The following NRG3 variants were observed in gnomAD, a reference collection of about 807,000 sequenced individuals.
NRG3 encodes the protein pro-neuregulin-3, membrane-bound isoform.
In NRG3, 31 loss-of-function variants were observed where a neutral mutation model predicts 66.9. The observed-to-expected ratio is 0.46, with a 90% confidence interval of 0.35 to 0.63. The LOEUF is 0.63. Ranked by LOEUF, NRG3 falls within the 20% of genes least tolerant of loss-of-function variation. NRG3 has a pLI of 0.00. For missense variants in NRG3, 910 were observed against 878.9 expected (o/e 1.04, Z -0.45); for synonymous variants, 393 against 359.4 (o/e 1.09, Z -1.06).
intron 2 of NRG3, among the ~76,000 whole-genome samples, chr10:82,471,763 C>T (rs1353381535): frequency 1.3e-5 from 2 of 151,904 alleles, no homozygotes; most frequent in South Asian, 4.2e-4. Context: ...GTGGCAGGCA[C>T]CTATAATCCC....
chr10:82,291,276 A>G (rs1230003832), intron 1 of NRG3, among the ~76,000 whole-genome samples: 1 of 152,200 alleles, frequency 6.6e-6, no homozygotes, highest in Non-Finnish European at 1.5e-5. Flanking sequence ...ACGTGATTAG[A>G]TGTAAACTTT....
intron 4 of NRG3, among the ~76,000 whole-genome samples, chr10:82,916,952 T>A (rs1388963731): frequency 6.6e-6 from 1 of 152,194 alleles, no homozygotes; most frequent in Non-Finnish European, 1.5e-5. Flanking sequence ...CATAAAAATG[T>A]CCAACACTAA....
intron 1 of NRG3, among the ~76,000 whole-genome samples, chr10:82,192,775 C>T (rs1319570282): frequency 6.6e-6 from 1 of 152,066 alleles, no homozygotes; most frequent in East Asian, 1.9e-4. Flanking sequence ...AATGCAGAGA[C>T]TACATAAAGA....
chr10:82,289,828 T>C (rs1000815528), intron 1 of NRG3, among the ~76,000 whole-genome samples: 3 of 152,356 alleles, frequency 2.0e-5, no homozygotes, highest in Non-Finnish European at 1.5e-5. Flanking sequence ...CATTTGGTAA[T>C]TGCAGAAGAA....
intron 1 of NRG3, among the ~76,000 whole-genome samples, chr10:82,235,915 C>G (rs946136719): frequency 6.6e-6 from 1 of 151,958 alleles, no homozygotes; most frequent in Admixed American, 6.6e-5. Context: ...TTTTGTAGAT[C>G]ACAGTAGAAC....
chr10:82,502,344 T>TA (rs1314105583), intron 2 of NRG3, among the ~76,000 whole-genome samples: 6 of 152,100 alleles, frequency 3.9e-5, no homozygotes, highest in East Asian at 1.9e-4. Context: ...TTAGACTCAA[T>TA]AAAAAAATCA....
chr10:82,243,519 A>G (rs1406755670), intron 1 of NRG3, among the ~76,000 whole-genome samples: 1 of 152,192 alleles, frequency 6.6e-6, no homozygotes, highest in African/African-American at 2.4e-5. Context: ...TAAGGTCTTT[A>G]GAAATAAAAA....
At chr10:82,305,777 T>C (rs550472988) in intron 1 of NRG3, among the ~76,000 whole-genome samples, 11 of 152,328 alleles carry the variant, frequency 7.2e-5, no homozygotes, top group African/African-American at 2.2e-4. Flanking sequence ...TTTCTACTTA[T>C]ACAATTCTAA....
At position 81,875,922 on chromosome 10, in the gene NRG3, G is replaced by A. The variant is rs773712819; in HGVS notation, c.582G>A (p.Pro194=). The change falls in exon 1 of 9, where the codon CCG becomes CCA. Residue 194 remains proline, a synonymous_variant. Transcript: ENST00000372141. The surrounding 1 kb of genome is among the most constrained non-coding windows in gnomAD (Gnocchi z 5.3). ...ARNTAAPATV[P]STTAPFFSSS... ...ACACTGCGGCCCCTGCGACGGTCCC[G>A]TCCACCACGGCCCCGTTCTTCAGTA... 1.2e-6 allele frequency: 2 copies of A among 1,613,358 alleles called. No homozygotes were observed. The highest frequency in any genetic ancestry group is 1.7e-6 in the Non-Finnish European group (2 of 1,180,004).
chr10:82,063,109 T>C (rs10736173), intron 1 of NRG3, among the ~76,000 whole-genome samples: 121,858 of 152,106 alleles, frequency 0.8, 48,905 homozygotes, highest in South Asian at 0.87. Flanking sequence ...TAGAATGGAA[T>C]ACCTGGGCAA....
At chr10:81,977,752 A>G (rs751729926) in intron 1 of NRG3, among the ~76,000 whole-genome samples, 2 of 152,182 alleles carry the variant, frequency 1.3e-5, no homozygotes, top group African/African-American at 4.8e-5. Flanking sequence ...TCCTCATACT[A>G]TTTGAGTCTT....
At chr10:81,937,162 T>G (rs970083264) in intron 1 of NRG3, among the ~76,000 whole-genome samples, 6 of 152,178 alleles carry the variant, frequency 3.9e-5, no homozygotes, top group Admixed American at 6.5e-5. Context: ...AACGTGTTCT[T>G]TAACCATTCA....
At chr10:81,893,064 T>G (rs961376321) in intron 1 of NRG3, among the ~76,000 whole-genome samples, 1 of 152,230 alleles carries the variant, frequency 6.6e-6, no homozygotes, top group Non-Finnish European at 1.5e-5. Flanking sequence ...CTTGCTTTTC[T>G]TATTATTAAA....
chr10:82,763,147 A>G (rs1431659500), intron 3 of NRG3, among the ~76,000 whole-genome samples: 1 of 152,190 alleles, frequency 6.6e-6, no homozygotes, highest in African/African-American at 2.4e-5. Flanking sequence ...CAATTGTTTC[A>G]TGTAGAAAGA....
At chr10:82,642,929 T>A (rs1447432669) in intron 2 of NRG3, among the ~76,000 whole-genome samples, 2 of 152,024 alleles carry the variant, frequency 1.3e-5, no homozygotes, top group Non-Finnish European at 2.9e-5. Flanking sequence ...GATATTTGTC[T>A]TATAGAAATA....
chr10:82,059,308 A>G (rs2064009001), intron 1 of NRG3, among the ~76,000 whole-genome samples: 1 of 152,182 alleles, frequency 6.6e-6, no homozygotes, highest in Admixed American at 6.5e-5. Flanking sequence ...TATTGCTGTA[A>G]TGTAGGTGGA....
At chr10:82,925,034 T>G (rs1846844827) in intron 4 of NRG3, among the ~76,000 whole-genome samples, 1 of 152,166 alleles carries the variant, frequency 6.6e-6, no homozygotes, top group South Asian at 2.1e-4. Context: ...CCATCATATT[T>G]TTATGCCACG....
At chr10:82,140,769 A>G (rs2069717399) in intron 1 of NRG3, among the ~76,000 whole-genome samples, 1 of 152,120 alleles carries the variant, frequency 6.6e-6, no homozygotes, top group Non-Finnish European at 1.5e-5. Context: ...AGAGAAAGAA[A>G]TAAAACAATG....
chr10:82,150,484 C>T (rs2070625200), intron 1 of NRG3, among the ~76,000 whole-genome samples: 1 of 137,572 alleles, frequency 7.3e-6, no homozygotes, highest in Non-Finnish European at 1.5e-5. Flanking sequence ...TTGACATCTC[C>T]TGATTTTCAA....
Sources: allele counts gnomAD v4.1 joint callset (sites outside exome capture counted in the v4.1 genomes callset), GRCh38; gene constraint gnomAD v4.1.1; non-coding constraint Gnocchi (gnomAD v3.1); transcripts MANE v1.5; gene names NCBI Gene and HGNC (gene_info 2026-07-23, HGNC 2026-07-21).